Variants in CLK3 observed in about 807,000 individuals in gnomAD.
CLK3 encodes dual specificity protein kinase CLK3.
Under a neutral mutation model 65.2 loss-of-function variants are expected in CLK3, and 24 were observed. That is an observed-to-expected ratio of 0.37 (90% confidence interval 0.27 to 0.52). CLK3 has a LOEUF of 0.52. Ranked by LOEUF, CLK3 falls within the 20% of genes least tolerant of loss-of-function variation. The pLI, the probability that CLK3 is intolerant of heterozygous loss-of-function variation, is 0.92. For synonymous variants in CLK3, 252 were observed against 240.8 expected (o/e 1.05, Z -0.43); for missense variants, 506 against 660.0 (o/e 0.77, Z 2.56).
chr15:74,615,317 G>C (rs2062043438), upstream of CLK3: 5 of 813,194 alleles, frequency 6.1e-6, no homozygotes, highest in Non-Finnish European at 6.6e-6. Flanking sequence ...GCGCCACCAC[G>C]GCTTTCAAAA....
At position 74,629,949 on chromosome 15, in the gene CLK3, C is replaced by G. The variant is rs1212369955; in HGVS notation, c.*66C>G. 3.4e-6 allele frequency: 5 copies of G among 1,475,460 alleles called. No homozygotes were observed. The highest frequency in any genetic ancestry group is 1.4e-5 in the African/African-American group (1 of 71,768). The allele number at this position is 1,475,460 out of a possible 1,614,324, so 91.4% of individuals were successfully genotyped here. ...GGGCCGCCCAGCCCCTTGACTCCAG[C>G]CTCGACCGCCAGGCCCCAGGCCAGA... On this transcript the variant is annotated 3_prime_UTR_variant, in exon 13 of 13. Transcript: ENST00000395066.
chr15:74,609,282 C>T (rs1362271920), intron 1 of CLK3, among the ~76,000 whole-genome samples: 2 of 152,230 alleles, frequency 1.3e-5, no homozygotes, highest in African/African-American at 2.4e-5. Flanking sequence ...CCACCCCAGC[C>T]CGCAGAGGCT....
chr15:74,625,070 C>T, intron 6 of CLK3, 52 bp downstream of exon 6: 1 of 1,365,082 alleles, frequency 7.3e-7, no homozygotes, highest in Non-Finnish European at 1.0e-6. Context: ...CTGCTGGACC[C>T]CCAGGGGCTT....
At position 74,620,072 on chromosome 15, in the gene CLK3, T is replaced by G. The variant is rs755185690; in HGVS notation, c.216T>G (p.Cys72Trp). 7 of 1,614,198 alleles carry G rather than the reference T, an allele frequency of 4.3e-6. No homozygotes were observed. In the South Asian group the frequency reaches 6.6e-5, roughly 15 times the overall value. ...GCCGTGACAGCGATACATACCGGTG[T>G]GAAGAGCGGAGCCCATCCTTTGGAG... is the stretch of plus-strand genomic sequence containing the variant. ...RERRDSDTYR[C>W]EERSPSFGED... is the part of the protein sequence containing the mutation. The change falls in exon 3 of 13, where the codon TGT (cysteine) becomes TGG (tryptophan). Residue 72 changes from cysteine (C) to tryptophan (W), a missense_variant. Transcript: ENST00000395066.
At position 74,621,226 on chromosome 15, in the gene CLK3, G is replaced by A. The variant is rs903014247; in HGVS notation, c.370-894G>A. ...TTCACCTCTTTGCACACTGCCACAT[G>A]CTGCCACAGGATGGCAGTGCAGGTC... is the stretch of plus-strand genomic sequence containing the variant. On this transcript the variant is annotated intron_variant, in intron 3 of 12. Coordinates refer to ENST00000395066, the MANE Select transcript of CLK3 (RefSeq NM_001130028.2). The surrounding 1 kb of genome is among the most constrained non-coding windows in gnomAD (Gnocchi z 4.8). The A allele has an allele frequency of 6.5e-6, 1 of 152,798 alleles. No individual in the cohort carries two copies. The highest frequency in any genetic ancestry group is 2.4e-5 in the African/African-American group (1 of 41,472). The allele number at this position is 152,798 out of a possible 1,614,324, so 9.5% of individuals were successfully genotyped here. A position where few individuals can be genotyped will look rare whatever the true frequency, so the allele number is the denominator to read the frequency against.
Position 74,628,068 on chromosome 15 carries a change from A to G in CLK3, c.1125+16A>G, listed in dbSNP as rs1489221077. 3.8e-6 allele frequency: 6 copies of G among 1,569,498 alleles called. 1 individual carries two copies. The South Asian group carries it at 5.5e-5, about 15-fold the overall frequency. On this transcript the variant is annotated intron_variant, in intron 10 of 12. Transcript: ENST00000395066. ...ACTCTTCCAGGTACAGCCACCCTGC[A>G]TTGGTCCCCTACCCTGAGTACTGCT...
rs188807644 is a variant in CLK3, at chr15:74,629,952, C to T, written c.*69C>T. On this transcript the variant is annotated 3_prime_UTR_variant, in exon 13 of 13. Coordinates refer to ENST00000395066, the MANE Select transcript of CLK3 (RefSeq NM_001130028.2). ...CCGCCCAGCCCCTTGACTCCAGCCT[C>T]GACCGCCAGGCCCCAGGCCAGAGCC... The T allele has an allele frequency of 8.3e-5, 122 of 1,461,816 alleles. 1 individual carries two copies. The East Asian group carries it at 2.5e-3, about 29-fold the overall frequency. The allele number at this position is 1,461,816 out of a possible 1,614,324, so 90.6% of individuals were successfully genotyped here.
chr15:74,617,934 C>T (rs2062073372), intron 1 of CLK3, among the ~76,000 whole-genome samples: 1 of 152,250 alleles, frequency 6.6e-6, no homozygotes, highest in South Asian at 2.1e-4. Context: ...TCTCCAAAGA[C>T]TTCCCAGGTA....
Position 74,627,995 on chromosome 15 carries a change from C to T in CLK3, c.1068C>T (p.Asp356=), listed in dbSNP as rs141912836. 42 of 1,613,650 alleles carry T rather than the reference C, an allele frequency of 2.6e-5. No individual in the cohort carries two copies. The highest frequency in any genetic ancestry group is 2.5e-4 in the African/African-American group (19 of 74,930). ...AGCTGGGCTGGGCACAGCCCTGTGA[C>T]GTCTGGAGCATTGGCTGCATTCTCT... ...ILELGWAQPC[D]VWSIGCILFE... The change falls in exon 10 of 13, where the codon GAC becomes GAT. Residue 356 remains aspartate (D), a synonymous_variant. Transcript: ENST00000395066. The surrounding 1 kb of genome is among the most constrained non-coding windows in gnomAD (Gnocchi z 4.3).
chr15:74,626,411 G>A (rs903305438), intron 7 of CLK3, among the ~76,000 whole-genome samples: 6 of 152,262 alleles, frequency 3.9e-5, no homozygotes, highest in African/African-American at 9.6e-5. Context: ...AGGGCTCAGC[G>A]CAGTAGGATT....
intron 6 of CLK3, among the ~76,000 whole-genome samples, 162 bp downstream of exon 6, chr15:74,625,180 A>G (rs771093251): frequency 1.9e-4 from 29 of 152,156 alleles, no homozygotes; most frequent in Non-Finnish European, 3.8e-4. Flanking sequence ...ACTGCAGTCC[A>G]GTCTTCACCC....
upstream of CLK3, among the ~76,000 whole-genome samples, chr15:74,614,262 CT>C (rs2062027197): frequency 6.6e-6 from 1 of 152,210 alleles, no homozygotes; most frequent in African/African-American, 2.4e-5. Context: ...GATCATCCAC[CT>C]CAGCCTCCCA....
chr15:74,616,008 C>G, intron 1 of CLK3, 110 bp downstream of exon 1: 3 of 872,636 alleles, frequency 3.4e-6, no homozygotes, highest in Non-Finnish European at 4.5e-6. Flanking sequence ...CCCTTTCTTT[C>G]TCCTCTTCGG....
chr15:74,615,014 G>A (rs896360860), upstream of CLK3: 16 of 171,992 alleles, frequency 9.3e-5, no homozygotes, highest in Non-Finnish European at 7.3e-5. Flanking sequence ...TCTGGAAAGT[G>A]GGGCCTCGTA....
Position 74,624,855 on chromosome 15 carries a change from A to C in CLK3, c.534-47A>C. 7.1e-7 allele frequency: 1 copy of C among 1,402,944 alleles called. No homozygotes were observed. The highest frequency in any genetic ancestry group is 1.0e-6 in the Non-Finnish European group (1 of 1,001,944). The allele number at this position is 1,402,944 out of a possible 1,614,324, so 86.9% of individuals were successfully genotyped here. ...GGTTGGGGTGGAGGGTTGGGGAAGG[A>C]CTGGGCAGCTGCTGATGAGAACCTC... On this transcript the variant is annotated intron_variant, in intron 5 of 12. Coordinates refer to ENST00000395066, the MANE Select transcript of CLK3 (RefSeq NM_001130028.2). This position sits in a 1 kb window ranked among gnomAD's most constrained non-coding sequence, Gnocchi z 4.2.
In CLK3 at chr15:74,622,956, A is replaced by G. The variant is rs1229951627; in HGVS notation, c.533+396A>G. 3.3e-5 allele frequency among the ~76,000 whole-genome samples: 5 copies of G among 152,190 alleles called. No homozygotes were observed. The highest frequency in any genetic ancestry group is 7.4e-5 in the Non-Finnish European group (5 of 68,024). ...TAGGAGTACCAATAAGCCCAGCCCA[A>G]GCATAAGTCCCATTCCCTGAGGGTC... On this transcript the variant is annotated intron_variant, in intron 5 of 12. Coordinates refer to ENST00000395066, the MANE Select transcript of CLK3 (RefSeq NM_001130028.2). This position sits in a 1 kb window ranked among gnomAD's most constrained non-coding sequence, Gnocchi z 4.6.
intron 10 of CLK3, 125 bp downstream of exon 10, chr15:74,628,177 T>C (rs1324522351): frequency 2.8e-6 from 2 of 720,084 alleles, no homozygotes; most frequent in East Asian, 2.5e-5. Flanking sequence ...CTAATCATCA[T>C]GTGAGATTCA....
upstream of CLK3, chr15:74,615,573 C>T (rs1382198868): frequency 2.4e-6 from 3 of 1,265,684 alleles, no homozygotes; most frequent in African/African-American, 1.5e-5. Flanking sequence ...AGAGCCCAGC[C>T]GGCCCGGGCC....
upstream of CLK3, among the ~76,000 whole-genome samples, chr15:74,612,692 T>C (rs368280713): frequency 6.6e-6 from 1 of 151,902 alleles, no homozygotes; most frequent in African/African-American, 2.4e-5. Flanking sequence ...TCCTCTCCCC[T>C]TACTCCAGGC....
Sources: gnomAD v4.1 joint callset for allele counts (sites outside exome capture counted in the v4.1 genomes callset) on GRCh38, gnomAD v4.1.1 for gene constraint, Gnocchi (gnomAD v3.1) non-coding constraint, MANE v1.5 for transcripts, NCBI Gene and HGNC (gene_info 2026-07-23, HGNC 2026-07-21) for gene names.